Variants in RGPD2 observed in about 807,000 individuals in gnomAD.
RGPD2 encodes the protein RANBP2-like and GRIP domain-containing protein 2.
Under a neutral mutation model 36.0 loss-of-function variants are expected in RGPD2, and 2 were observed. The ratio of observed to expected loss-of-function variants is 0.06; its 90% CI spans 0.02 to 0.17. The LOEUF is 0.17. Ranked by LOEUF, RGPD2 falls within the 10% of genes least tolerant of loss-of-function variation. The pLI is 1.00. For missense variants in RGPD2, 40 were observed against 464.3 expected (o/e 0.09, Z 8.40); for synonymous variants, 19 against 163.8 (o/e 0.12, Z 6.75).
At chr2:87,983,270 G>C in the RGPD2 span, among the ~76,000 whole-genome samples, 1 of 152,196 alleles carries the variant, frequency 6.6e-6, no homozygotes, top group Non-Finnish European at 1.5e-5. Flanking sequence ...TAGTGAGCCA[G>C]GATAGCGCCA....
chr2:87,988,547 T>TTTTTGTTTTG, the RGPD2 span, among the ~76,000 whole-genome samples: 15 of 33,070 alleles, frequency 4.5e-4, no homozygotes, highest in African/African-American at 7.0e-4. Context: ...ATATATTTTT[T>TTTTTGTTTTG]TTTTTTCTTT....
chr2:87,973,693 TAAAA>T, the RGPD2 span, among the ~76,000 whole-genome samples: 3 of 105,442 alleles, frequency 2.8e-5, no homozygotes, highest in Admixed American at 1.0e-4. Flanking sequence ...GTGAACCAGC[TAAAA>T]AAAAAAAAAA....
the RGPD2 span, among the ~76,000 whole-genome samples, chr2:87,973,347 G>C: frequency 8.2e-6 from 1 of 122,340 alleles, no homozygotes; most frequent in African/African-American, 2.8e-5. Context: ...GTGAGGGTGA[G>C]CCAGTCAAGG....
At chr2:87,951,792 C>A in the RGPD2 span, among the ~76,000 whole-genome samples, 1 of 134,688 alleles carries the variant, frequency 7.4e-6, no homozygotes, top group South Asian at 2.9e-4. Context: ...ACCATGTTGG[C>A]CAGGCTGGTC....
the RGPD2 span, among the ~76,000 whole-genome samples, chr2:87,974,174 T>C: frequency 1.4e-5 from 2 of 143,972 alleles, no homozygotes; most frequent in African/African-American, 5.2e-5. Flanking sequence ...GTCATAAACC[T>C]AAAATGTCTA....
chr2:87,791,299 G>C, intron 17 of RGPD2, among the ~76,000 whole-genome samples: 1 of 152,308 alleles, frequency 6.6e-6, no homozygotes, highest in Non-Finnish European at 1.5e-5. Context: ...GATCGCCTGA[G>C]GTCAGAAGTT....
At chr2:87,831,839 C>G in the RGPD2 span, among the ~76,000 whole-genome samples, 1 of 151,242 alleles carries the variant, frequency 6.6e-6, no homozygotes, top group East Asian at 1.9e-4. Flanking sequence ...AAGCTGAAAT[C>G]AATGATGATA....
the RGPD2 span, among the ~76,000 whole-genome samples, chr2:87,843,614 G>A: frequency 2.7e-5 from 4 of 149,648 alleles, no homozygotes; most frequent in Admixed American, 2.7e-4. Context: ...ACTGTTGGTG[G>A]GACTGTAAAC....
chr2:87,840,628 A>G, the RGPD2 span, among the ~76,000 whole-genome samples: 1 of 151,794 alleles, frequency 6.6e-6, no homozygotes, highest in Non-Finnish European at 1.5e-5. Context: ...ACTGTTAATA[A>G]GATAAAGGAG....
At chr2:87,848,368 G>C in the RGPD2 span, among the ~76,000 whole-genome samples, 1 of 148,498 alleles carries the variant, frequency 6.7e-6, no homozygotes, top group Non-Finnish European at 1.5e-5. Context: ...AGTAAAAAAT[G>C]TAGTGATGCT....
the RGPD2 span, among the ~76,000 whole-genome samples, chr2:87,842,293 C>T: frequency 6.8e-6 from 1 of 146,822 alleles, no homozygotes; most frequent in Non-Finnish European, 1.5e-5. Flanking sequence ...GATGACATGA[C>T]TGTATATCTA....
intron 20 of RGPD2, among the ~76,000 whole-genome samples, chr2:87,777,663 A>AT (rs1437658213): frequency 9.2e-5 from 14 of 152,262 alleles, no homozygotes; most frequent in Non-Finnish European, 1.8e-4. Context: ...GATAAACTAT[A>AT]TTTTTTCTGA....
chr2:87,848,885 T>C, the RGPD2 span, among the ~76,000 whole-genome samples: 10 of 149,970 alleles, frequency 6.7e-5, no homozygotes, highest in South Asian at 6.8e-4. Flanking sequence ...TGTGTGTGTG[T>C]GCAAATAGAT....
At chr2:87,770,156 T>TG (rs1685090121) in intron 22 of RGPD2, among the ~76,000 whole-genome samples, 1 of 88,354 alleles carries the variant, frequency 1.1e-5, no homozygotes, top group South Asian at 4.9e-4. Context: ...TCTCAAGGTA[T>TG]GGGCCCCAGA....
chr2:87,828,387 A>AT (rs1339367257), upstream of RGPD2, among the ~76,000 whole-genome samples: 7 of 98,282 alleles, frequency 7.1e-5, no homozygotes, highest in East Asian at 5.5e-4. Flanking sequence ...AATAATGAAG[A>AT]TTTTTTTCCT....
the RGPD2 span, among the ~76,000 whole-genome samples, chr2:87,902,078 T>C: frequency 2.6e-5 from 4 of 152,170 alleles, no homozygotes; most frequent in African/African-American, 7.2e-5. Flanking sequence ...AAAAGTTACA[T>C]AGGCTATGTT....
chr2:87,825,373 G>GGC (rs1439990540), intron 1 of RGPD2, among the ~76,000 whole-genome samples: 1 of 135,758 alleles, frequency 7.4e-6, no homozygotes, highest in Admixed American at 7.1e-5. Context: ...CCTACGCCGA[G>GGC]GCCGCCGCCG....
chr2:87,867,674 A>C, the RGPD2 span, among the ~76,000 whole-genome samples: 3 of 152,064 alleles, frequency 2.0e-5, no homozygotes, highest in African/African-American at 7.2e-5. Flanking sequence ...TTGAGTGTGA[A>C]TATAAGGCCA....
chr2:87,763,231 C>T (rs1401282528), intron 22 of RGPD2, among the ~76,000 whole-genome samples: 61 of 141,218 alleles, frequency 4.3e-4, no homozygotes, highest in South Asian at 9.4e-4. Context: ...GATCTCAGCT[C>T]ACTGCAAGCT....
Sources: allele counts gnomAD v4.1 joint callset (sites outside exome capture counted in the v4.1 genomes callset), GRCh38; gene constraint gnomAD v4.1.1; transcripts MANE v1.5; gene names NCBI Gene and HGNC (gene_info 2026-07-23, HGNC 2026-07-21).